KCNK2: variants seen among roughly 807,000 people sequenced by gnomAD.
KCNK2 encodes the protein potassium two pore domain channel subfamily K member 2, also known as potassium channel subfamily K member 2.
In KCNK2, 21 loss-of-function variants were observed where a neutral mutation model predicts 40.5. The ratio of observed to expected loss-of-function variants is 0.52; its 90% confidence interval spans 0.37 to 0.75. The LOEUF is 0.75. Ranked by LOEUF, KCNK2 falls within the 30% of genes least tolerant of loss-of-function variation. KCNK2 has a pLI of 0.00. For missense variants in KCNK2, 399 were observed against 531.6 expected (o/e 0.75, Z 2.45); for synonymous variants, 191 against 202.2 (o/e 0.94, Z 0.47).
At chr1:215,022,132 C>CTA (rs369998159) in intron 1 of KCNK2, among the ~76,000 whole-genome samples, 3 of 9,878 alleles carry the variant, frequency 3.0e-4, no homozygotes, top group African/African-American at 5.8e-4. Context: ...TCTATCTAAT[C>CTA]ATCTATCTAT....
At chr1:215,109,943 G>C (rs905533607) in intron 2 of KCNK2, among the ~76,000 whole-genome samples, 8 of 151,926 alleles carry the variant, frequency 5.3e-5, no homozygotes, top group African/African-American at 1.7e-4. Context: ...TCTCATTGTG[G>C]TTTTAATTTT....
chr1:215,206,811 A>C (rs1041563377), intron 6 of KCNK2, among the ~76,000 whole-genome samples: 1 of 152,208 alleles, frequency 6.6e-6, no homozygotes, highest in Non-Finnish European at 1.5e-5. Context: ...TATTCCCTAT[A>C]ACACAGTTAA....
intron 1 of KCNK2, among the ~76,000 whole-genome samples, chr1:215,029,721 G>A (rs1343667816): frequency 6.6e-6 from 1 of 150,784 alleles, no homozygotes; most frequent in Non-Finnish European, 1.5e-5. Context: ...CACTTAATAT[G>A]ATTATTAATA....
intron 5 of KCNK2, among the ~76,000 whole-genome samples, chr1:215,180,727 ACTATTAGT>A (rs1664188426): frequency 6.6e-6 from 1 of 152,092 alleles, no homozygotes; most frequent in East Asian, 1.9e-4. Flanking sequence ...TGAGAAATCC[ACTATTAGT>A]CTGATGGTGT....
chr1:215,220,982 C>A (rs531751487), intron 6 of KCNK2, among the ~76,000 whole-genome samples: 49 of 152,334 alleles, frequency 3.2e-4, no homozygotes, highest in African/African-American at 1.1e-3. Flanking sequence ...ATTGTCCTGA[C>A]AAATAACAAT....
intron 1 of KCNK2, among the ~76,000 whole-genome samples, chr1:215,076,776 G>A (rs966050772): frequency 6.6e-6 from 1 of 152,104 alleles, no homozygotes; most frequent in Admixed American, 6.5e-5. Flanking sequence ...ATCATTGCGG[G>A]GGTCAACTTA....
At chr1:215,156,245 C>A (rs969604373) in intron 3 of KCNK2, among the ~76,000 whole-genome samples, 1 of 152,114 alleles carries the variant, frequency 6.6e-6, no homozygotes, top group African/African-American at 2.4e-5. Context: ...AAGTTCTGAT[C>A]ATAAAAATGC....
intron 1 of KCNK2, among the ~76,000 whole-genome samples, chr1:215,012,282 C>T (rs1166349895): frequency 6.6e-6 from 1 of 152,058 alleles, no homozygotes; most frequent in Non-Finnish European, 1.5e-5. Context: ...GTACGAGGGT[C>T]CTAGTTACTT....
intron 1 of KCNK2, among the ~76,000 whole-genome samples, chr1:215,007,025 A>ATGTGTGTGTGTGTGTGTGTGTGTGTGTG (rs1164769909): frequency 3.1e-5 from 1 of 32,054 alleles, no homozygotes; most frequent in African/African-American, 7.0e-5. Flanking sequence ...ATATATATAT[A>ATGTGTGTGTGTGTGTGTGTGTGTGTGTG]TATATATATA....
intron 2 of KCNK2, among the ~76,000 whole-genome samples, chr1:215,112,254 A>G (rs1029781346): frequency 2.0e-5 from 3 of 151,830 alleles, no homozygotes; most frequent in Non-Finnish European, 2.9e-5. Flanking sequence ...ATTAAGGTGG[A>G]AGACGGTAGT....
chr1:215,218,738 C>T (rs1424775911), intron 6 of KCNK2, among the ~76,000 whole-genome samples: 2 of 152,088 alleles, frequency 1.3e-5, no homozygotes, highest in African/African-American at 4.8e-5. Context: ...TTCTTTTATC[C>T]TATGATCTTC....
intron 1 of KCNK2, chr1:215,006,055 A>G: frequency 9.9e-7 from 1 of 1,013,302 alleles, no homozygotes; most frequent in Non-Finnish European, 1.5e-6. Flanking sequence ...AGGAGTCTTC[A>G]TTATATGAAA....
rs560256636 is a variant in KCNK2 at position 215,128,373 on chromosome 1, A to G, written c.475+3623A>G. Among the ~76,000 whole-genome samples, 19 of 152,296 alleles carry G rather than the reference A, an allele frequency of 1.2e-4. 1 individual carries two copies. In the South Asian group the frequency reaches 3.9e-3, roughly 32 times the overall value. On this transcript the variant is annotated intron_variant, in intron 3 of 6. Transcript: ENST00000444842. ...ATCCTCAGAATCATTTTAATCAGTA[A>G]GTCAATGTAAGAAGCTCCTGCTGGA...
At chr1:215,212,994 A>T (rs1665800936) in intron 6 of KCNK2, among the ~76,000 whole-genome samples, 1 of 152,212 alleles carries the variant, frequency 6.6e-6, no homozygotes, top group Admixed American at 6.5e-5. Context: ...AGGACTACAC[A>T]TAAAACAAGT....
chr1:215,037,002 C>T (rs865899109), intron 1 of KCNK2, among the ~76,000 whole-genome samples: 2 of 125,828 alleles, frequency 1.6e-5, no homozygotes, highest in East Asian at 2.4e-4. Flanking sequence ...CCTTTTATTC[C>T]TTTTTTTTTT....
rs1400451608 is a variant in KCNK2, at chr1:215,235,859, G to C, written c.*714G>C. On this transcript the variant is annotated 3_prime_UTR_variant, in exon 7 of 7. Coordinates refer to ENST00000444842, the MANE Select transcript of KCNK2 (RefSeq NM_001017425.3). Reference sequence around the variant, plus strand: ...TGCCTAGCGTTAAAGGCACTGCAGAGAAATGAGGTGCAGAGGTGGCCCCTC... The same window carrying C: ...TGCCTAGCGTTAAAGGCACTGCAGACAAATGAGGTGCAGAGGTGGCCCCTC... The C allele has an allele frequency of 6.6e-6, 1 of 152,596 alleles. No individual in the cohort carries two copies. Among genetic ancestry groups the C allele is most frequent in the Non-Finnish European group, 1.5e-5 (1 of 68,048 alleles). 9.5% of individuals were successfully genotyped at this position (152,596 alleles called of 1,614,324 possible).
At chr1:215,090,176 T>C (rs1659634273) in intron 2 of KCNK2, among the ~76,000 whole-genome samples, 1 of 152,202 alleles carries the variant, frequency 6.6e-6, no homozygotes. Context: ...CAAAATTTAA[T>C]TGGCACTTAC....
chr1:215,126,809 C>T (rs1261973571), intron 3 of KCNK2, among the ~76,000 whole-genome samples: 6 of 152,120 alleles, frequency 3.9e-5, no homozygotes, highest in African/African-American at 1.4e-4. Flanking sequence ...AGATCTCCTA[C>T]TGTTCTATCT....
chr1:215,111,159 T>C (rs2102563028), intron 2 of KCNK2, among the ~76,000 whole-genome samples: 1 of 152,284 alleles, frequency 6.6e-6, no homozygotes, highest in Non-Finnish European at 1.5e-5. Context: ...TCTTTTCATG[T>C]AATCTGAGAG....
Sources: gnomAD v4.1 joint callset for allele counts (sites outside exome capture counted in the v4.1 genomes callset) on GRCh38, gnomAD v4.1.1 for gene constraint, MANE v1.5 for transcripts, NCBI Gene and HGNC (gene_info 2026-07-23, HGNC 2026-07-21) for gene names.